Variants in CNTN4 observed in about 807,000 individuals in gnomAD.
The protein encoded by CNTN4 is contactin-4.
A neutral mutation model predicts 122.5 loss-of-function variants in CNTN4; 77 were observed. The ratio of observed to expected loss-of-function variants is 0.63; its 90% CI spans 0.52 to 0.76. The LOEUF (loss-of-function observed/expected upper bound fraction) is 0.76, where lower values mean the gene tolerates loss of function less well. CNTN4 is among the 30% of genes least tolerant of loss of function. The probability of loss-of-function intolerance (pLI) is 0.00; values close to 1 mark genes in which losing one functional copy is unlikely to be tolerated. For missense variants in CNTN4, 1,256 were observed against 1,259.1 expected (o/e 1.00, Z 0.04); for synonymous variants, 512 against 447.0 (o/e 1.15, Z -1.83).
intron 4 of CNTN4, among the ~76,000 whole-genome samples, chr3:2,721,910 C>A (rs1576569492): frequency 2.0e-5 from 3 of 152,278 alleles, no homozygotes; most frequent in Non-Finnish European, 1.5e-5. Context: ...GAGATTAGCA[C>A]CCATGTAAGA....
chr3:2,739,499 T>C (rs2089331701), intron 5 of CNTN4, among the ~76,000 whole-genome samples: 1 of 148,194 alleles, frequency 6.7e-6, no homozygotes. Context: ...GAACATAATT[T>C]TGAGTAAACC....
intron 8 of CNTN4, among the ~76,000 whole-genome samples, chr3:2,881,357 A>G (rs898084800): frequency 5.3e-5 from 8 of 152,116 alleles, no homozygotes; most frequent in Admixed American, 1.3e-4. Flanking sequence ...TACTAAAAAT[A>G]CAAAAAGTAG....
intron 2 of CNTN4, among the ~76,000 whole-genome samples, chr3:2,337,548 T>C (rs2044005999): frequency 6.6e-6 from 1 of 152,094 alleles, no homozygotes; most frequent in South Asian, 2.1e-4. Flanking sequence ...ACTTTAAAAA[T>C]AGAATTGAGG....
At chr3:2,415,643 T>C (rs980835838) in intron 3 of CNTN4, among the ~76,000 whole-genome samples, 4 of 152,218 alleles carry the variant, frequency 2.6e-5, no homozygotes, top group African/African-American at 9.6e-5. Flanking sequence ...TGTTTGGCTT[T>C]GGTCTGCTAA....
chr3:2,752,746 T>A (rs1322658595), intron 6 of CNTN4, among the ~76,000 whole-genome samples: 1 of 152,136 alleles, frequency 6.6e-6, no homozygotes, highest in East Asian at 1.9e-4. Flanking sequence ...TGTTAACCAG[T>A]CTCTCCCTAT....
chr3:2,533,284 T>C (rs1353490416), intron 3 of CNTN4, among the ~76,000 whole-genome samples: 3 of 151,608 alleles, frequency 2.0e-5, no homozygotes, highest in Non-Finnish European at 4.4e-5. Flanking sequence ...TCCCTCCCCC[T>C]CCCTCCACCC....
intron 7 of CNTN4, among the ~76,000 whole-genome samples, chr3:2,846,030 G>A (rs2093449916): frequency 6.6e-6 from 1 of 152,170 alleles, no homozygotes; most frequent in African/African-American, 2.4e-5. Flanking sequence ...AAGAAGGTGT[G>A]GGAGCAGGTC....
At chr3:2,101,559 TG>T (rs2031961967) in intron 2 of CNTN4, among the ~76,000 whole-genome samples, 1 of 152,148 alleles carries the variant, frequency 6.6e-6, no homozygotes. Flanking sequence ...TGATTTTTTT[TG>T]TTCCTTTTTG....
intron 4 of CNTN4, among the ~76,000 whole-genome samples, chr3:2,667,974 A>G (rs2084271856): frequency 2.0e-5 from 3 of 152,100 alleles, no homozygotes; most frequent in African/African-American, 4.8e-5. Flanking sequence ...TACCAGTACC[A>G]TGCTGTTTTG....
chr3:2,209,525 A>G (rs3915040), intron 2 of CNTN4, among the ~76,000 whole-genome samples: 16,608 of 152,136 alleles, frequency 0.11, 1,002 homozygotes, highest in East Asian at 0.23. Context: ...CCCTAGTAAC[A>G]AAAAAGGTCC....
chr3:3,054,128 A>G (rs1559843495), intron 24 of CNTN4, among the ~76,000 whole-genome samples, 153 bp downstream of exon 24: 1 of 152,246 alleles, frequency 6.6e-6, no homozygotes, highest in East Asian at 1.9e-4. Flanking sequence ...TTTGCTGGCC[A>G]TAGGCAGTTT....
At chr3:2,881,639 C>T (rs2093911717) in intron 8 of CNTN4, among the ~76,000 whole-genome samples, 1 of 117,834 alleles carries the variant, frequency 8.5e-6, no homozygotes, top group Non-Finnish European at 1.8e-5. Flanking sequence ...TGCACCTGTC[C>T]CCCATCCAGT....
At chr3:2,325,180 A>C (rs1233133850) in intron 2 of CNTN4, among the ~76,000 whole-genome samples, 1 of 152,214 alleles carries the variant, frequency 6.6e-6, no homozygotes, top group African/African-American at 2.4e-5. Flanking sequence ...ATTTGATGTC[A>C]CATAAGAGCG....
At chr3:2,846,206 G>T (rs1009774374) in intron 7 of CNTN4, among the ~76,000 whole-genome samples, 8 of 152,150 alleles carry the variant, frequency 5.3e-5, no homozygotes, top group African/African-American at 1.7e-4. Flanking sequence ...ATCTTGAATT[G>T]TAGTTCCCAT....
At chr3:2,188,016 A>G (rs1412591047) in intron 2 of CNTN4, among the ~76,000 whole-genome samples, 1 of 144,382 alleles carries the variant, frequency 6.9e-6, no homozygotes, top group Non-Finnish European at 1.5e-5. Flanking sequence ...GAAAAGGGAG[A>G]AAAAAAAAGT....
intron 3 of CNTN4, among the ~76,000 whole-genome samples, chr3:2,365,131 T>C (rs2045322005): frequency 6.6e-6 from 1 of 152,158 alleles, no homozygotes; most frequent in Non-Finnish European, 1.5e-5. Context: ...AAGACTGTAA[T>C]GTGATTTGAA....
intron 13 of CNTN4, among the ~76,000 whole-genome samples, chr3:2,959,866 T>C (rs2094835896): frequency 6.6e-6 from 1 of 152,162 alleles, no homozygotes; most frequent in Non-Finnish European, 1.5e-5. Flanking sequence ...TAAATAACTT[T>C]CTAGTTCTAT....
chr3:2,866,698 G>A, intron 7 of CNTN4, 54 bp from the exon 8 acceptor site: 4 of 1,493,030 alleles, frequency 2.7e-6, no homozygotes, highest in Non-Finnish European at 2.8e-6. Flanking sequence ...CATGAAAACA[G>A]TAGAGTTCCA....
chr3:2,903,755 T>C (rs1408394748), intron 12 of CNTN4, among the ~76,000 whole-genome samples: 3 of 152,332 alleles, frequency 2.0e-5, no homozygotes, highest in East Asian at 3.9e-4. Flanking sequence ...CTTTTTTTTG[T>C]GATCTTTCTA....
Sources: allele counts gnomAD v4.1 joint callset (sites outside exome capture counted in the v4.1 genomes callset), GRCh38; gene constraint gnomAD v4.1.1; transcripts MANE v1.5; gene names NCBI Gene and HGNC (gene_info 2026-07-23, HGNC 2026-07-21).